Variants in IGF1R observed in about 807,000 individuals in gnomAD.
IGF1R encodes the protein insulin like growth factor 1 receptor, also known as insulin-like growth factor 1 receptor.
IGF1R carries 44 observed loss-of-function variants against 144.6 expected under a neutral mutation model. The ratio of observed to expected loss-of-function variants is 0.30; its 90% CI spans 0.24 to 0.39. The LOEUF is 0.39. Ranked by LOEUF, IGF1R falls within the 10% of genes least tolerant of loss-of-function variation. The pLI is 1.00. For synonymous variants in IGF1R, 795 were observed against 722.8 expected, an observed-to-expected ratio of 1.10 and a Z score of -1.60; for missense variants, 1,355 against 1,833.7, an observed-to-expected ratio of 0.74 and a Z score of 4.77.
chr15:98,739,932 C>A lies in IGF1R; in HGVS notation c.640+31825C>A, dbSNP rs560947132. Among the ~76,000 whole-genome samples the A allele has an allele frequency of 4.6e-5, 7 of 152,314 alleles. No homozygotes were observed. The South Asian group carries it at 1.5e-3, about 32-fold the overall frequency. On this transcript the variant is annotated intron_variant, in intron 2 of 20. Coordinates refer to ENST00000650285, the MANE Select transcript of IGF1R (RefSeq NM_000875.5). ...TTAAACTTAGGATGGGAAATGTGAT[C>A]TGAACAGGATTCCTGTGAAGGTACC...
At chr15:98,758,377 G>A (rs963844039) in intron 2 of IGF1R, among the ~76,000 whole-genome samples, 5 of 151,962 alleles carry the variant, frequency 3.3e-5, no homozygotes, top group Non-Finnish European at 5.9e-5. Context: ...CTCCTGCGTC[G>A]TCCTCAGTGG....
chr15:98,683,515 G>A (rs963041075), intron 1 of IGF1R, among the ~76,000 whole-genome samples: 7 of 152,202 alleles, frequency 4.6e-5, no homozygotes, highest in East Asian at 3.9e-4. Context: ...GTTTACAGCC[G>A]TTGGTTTTTA....
intron 2 of IGF1R, among the ~76,000 whole-genome samples, chr15:98,862,541 T>C (rs1462179658): frequency 6.6e-6 from 1 of 152,164 alleles, no homozygotes; most frequent in East Asian, 1.9e-4. Context: ...AAAGTAGAGG[T>C]TTGTCATATC....
At position 98,935,490 on chromosome 15, in the gene IGF1R, C is replaced by T; in HGVS notation, c.3297+64C>T. On this transcript the variant is annotated intron_variant, in intron 17 of 20. Transcript: ENST00000650285. This position sits in a 1 kb window ranked among gnomAD's most constrained non-coding sequence, Gnocchi z 4.2. Reference sequence around the variant, plus strand: ...CCTGCTCTCTTTTCCTTTATAATCTCCCTGCAAGGAAATGCTGTGTCTTTA... The same window carrying T: ...CCTGCTCTCTTTTCCTTTATAATCTTCCTGCAAGGAAATGCTGTGTCTTTA... 1.1e-6 allele frequency: 1 copy of T among 891,304 alleles called. No individual in the cohort carries two copies. The highest frequency in any genetic ancestry group is 1.8e-6 in the Non-Finnish European group (1 of 545,334). 55.2% of individuals were successfully genotyped at this position (891,304 alleles called of 1,614,324 possible). A position where few individuals can be genotyped will look rare whatever the true frequency, so the allele number is the denominator to read the frequency against.
At chr15:98,815,038 A>G (rs150616671) in intron 2 of IGF1R, among the ~76,000 whole-genome samples, 296 of 152,366 alleles carry the variant, frequency 1.9e-3, no homozygotes, top group African/African-American at 6.9e-3. Flanking sequence ...AAAAATAATT[A>G]GTAGTACAAA....
chr15:98,663,837 C>T (rs1256225359), intron 1 of IGF1R, among the ~76,000 whole-genome samples: 1 of 152,230 alleles, frequency 6.6e-6, no homozygotes, highest in African/African-American at 2.4e-5. Context: ...TGAAGAGGAA[C>T]AGTTTGTTTA....
intron 2 of IGF1R, among the ~76,000 whole-genome samples, chr15:98,760,894 CTCT>C (rs2055279478): frequency 6.6e-6 from 1 of 152,382 alleles, no homozygotes; most frequent in African/African-American, 2.4e-5. Context: ...TGTCGCTCAG[CTCT>C]TCTTGGCCGT....
In IGF1R at chr15:98,891,180, C is replaced by T. The variant is rs894653169; in HGVS notation, c.641-145C>T. The stretch of plus-strand genomic sequence containing the variant: ...AGGACAGTGGTGGGGGTGAGGATTT[C>T]GTAGTGTGTTTTTGCATTGTCTCCT... On this transcript the variant is annotated intron_variant, in intron 2 of 20. Coordinates refer to ENST00000650285, the MANE Select transcript of IGF1R (RefSeq NM_000875.5). This position sits in a 1 kb window ranked among gnomAD's most constrained non-coding sequence, Gnocchi z 4.7. 9 of 756,428 alleles carry T rather than the reference C, an allele frequency of 1.2e-5. No individual in the cohort carries two copies. The highest frequency in any genetic ancestry group is 1.1e-4 in the East Asian group (4 of 37,430). The allele number at this position is 756,428 out of a possible 1,614,324, so 46.9% of individuals were successfully genotyped here.
chr15:98,786,099 C>G (rs187600121), intron 2 of IGF1R, among the ~76,000 whole-genome samples: 1 of 152,190 alleles, frequency 6.6e-6, no homozygotes, highest in East Asian at 1.9e-4. Context: ...TAGGCTTCAG[C>G]GAGTACAGCC....
rs1184793788 is a variant in IGF1R at position 98,958,966 on chromosome 15, TGGGCACGAGGCAGAAAGCAGGCC to T, written c.*1531_*1553del. The T allele has an allele frequency of 8.6e-6, 2 of 233,318 alleles. No individual in the cohort carries two copies. Among genetic ancestry groups the T allele is most frequent in the Non-Finnish European group, 1.7e-5 (2 of 118,066 alleles). 14.5% of individuals were successfully genotyped at this position (233,318 alleles called of 1,614,324 possible). A position where few individuals can be genotyped will look rare whatever the true frequency, so the allele number is the denominator to read the frequency against. On this transcript the variant is annotated 3_prime_UTR_variant, in exon 21 of 21. Transcript: ENST00000650285. Reference sequence around the variant, plus strand: ...GTTGTTTTCTAACCCGTAGGCTCTCTGGGCACGAGGCAGAAAGCAGGCCGGGCACCCATCCTGAGAGGGCCGCG... The same window carrying T: ...GTTGTTTTCTAACCCGTAGGCTCTCTGGGCACCCATCCTGAGAGGGCCGCG...
chr15:98,728,692 A>G (rs1324502077), intron 2 of IGF1R, among the ~76,000 whole-genome samples: 2 of 152,182 alleles, frequency 1.3e-5, no homozygotes, highest in Non-Finnish European at 2.9e-5. Context: ...TCGCTTCTTC[A>G]TCCTAGCTCT....
chr15:98,878,202 CT>C (rs576843665), intron 2 of IGF1R, among the ~76,000 whole-genome samples: 113 of 152,322 alleles, frequency 7.4e-4, no homozygotes, highest in African/African-American at 2.6e-3. Context: ...TCCCTCTGAG[CT>C]TGGCCTCCAC....
At chr15:98,775,401 C>T (rs969167261) in intron 2 of IGF1R, among the ~76,000 whole-genome samples, 3 of 152,172 alleles carry the variant, frequency 2.0e-5, no homozygotes, top group African/African-American at 7.2e-5. Flanking sequence ...TCACCATTTC[C>T]AGGGGTGGGA....
chr15:98,727,944 C>T (rs1279225271), intron 2 of IGF1R, among the ~76,000 whole-genome samples: 1 of 150,030 alleles, frequency 6.7e-6, no homozygotes, highest in Non-Finnish European at 1.5e-5. Flanking sequence ...CTCTCTTCCC[C>T]TTTATTTCCC....
chr15:98,895,222 CCACACACA>C (rs10704966), intron 3 of IGF1R, among the ~76,000 whole-genome samples: 7,568 of 143,312 alleles, frequency 0.053, 484 homozygotes, highest in African/African-American at 0.16. Flanking sequence ...TGACACAGCA[CCACACACA>C]CACACACACA....
At chr15:98,850,564 C>T (rs1448136789) in intron 2 of IGF1R, among the ~76,000 whole-genome samples, 1 of 152,202 alleles carries the variant, frequency 6.6e-6, no homozygotes, top group Non-Finnish European at 1.5e-5. Flanking sequence ...TCTGGGAGCA[C>T]AGAGGAGTCA....
At chr15:98,811,147 A>G (rs1421443015) in intron 2 of IGF1R, among the ~76,000 whole-genome samples, 1 of 151,974 alleles carries the variant, frequency 6.6e-6, no homozygotes, top group Non-Finnish European at 1.5e-5. Flanking sequence ...CTAAAAATAC[A>G]AAAATTAACC....
chr15:98,934,458 A>G (rs1596468027), intron 15 of IGF1R, among the ~76,000 whole-genome samples: 1 of 152,000 alleles, frequency 6.6e-6, no homozygotes, highest in Non-Finnish European at 1.5e-5. Context: ...CAGTTTCTCA[A>G]TCCCCTGTGG....
At chr15:98,796,908 G>A (rs949387381) in intron 2 of IGF1R, among the ~76,000 whole-genome samples, 4 of 152,190 alleles carry the variant, frequency 2.6e-5, no homozygotes, top group African/African-American at 7.2e-5. Context: ...GCTCTCACTC[G>A]CGACTCCTGT....
Sources: gnomAD v4.1 joint callset for allele counts (sites outside exome capture counted in the v4.1 genomes callset) on GRCh38, gnomAD v4.1.1 for gene constraint, Gnocchi (gnomAD v3.1) non-coding constraint, MANE v1.5 for transcripts, NCBI Gene and HGNC (gene_info 2026-07-23, HGNC 2026-07-21) for gene names.